PDE6B: variants seen among roughly 807,000 people sequenced by gnomAD.
PDE6B encodes the protein rod cGMP-specific 3',5'-cyclic phosphodiesterase subunit beta.
Under a neutral mutation model 109.0 loss-of-function variants are expected in PDE6B, and 106 were observed. The ratio of observed to expected loss-of-function variants is 0.97; its 90% CI spans 0.83 to 1.14. The LOEUF (loss-of-function observed/expected upper bound fraction) is 1.14. Among genes scored for constraint, PDE6B ranks in the 50% most tolerant of loss-of-function variants. The pLI is 0.00. For missense variants in PDE6B, 1,193 were observed against 1,155.6 expected (o/e 1.03, Z -0.47); for synonymous variants, 490 against 471.3 (o/e 1.04, Z -0.51).
In PDE6B at chr4:664,236, AG is replaced by A. The variant is rs762278349; in HGVS notation, c.2129+20del. On this transcript the variant is annotated intron_variant, in intron 17 of 21. Transcript: ENST00000496514. ...GAGATCGTCATGTGAGCGCGGGCGG[AG>A]GGGGCACGAGGGGTCCTTCCCTCGC... The A allele has an allele frequency of 1.2e-5, 16 of 1,333,398 alleles. No individual in the cohort carries two copies. In the South Asian group the frequency reaches 1.5e-4, roughly 13 times the overall value. The allele number at this position is 1,333,398 out of a possible 1,614,324, so 82.6% of individuals were successfully genotyped here. A position where few individuals can be genotyped will look rare whatever the true frequency, so the allele number is the denominator to read the frequency against.
intron 11 of PDE6B, among the ~76,000 whole-genome samples, chr4:659,651 C>T (rs1329129441): frequency 2.0e-5 from 3 of 149,948 alleles, no homozygotes; most frequent in Non-Finnish European, 4.4e-5. Context: ...TGTGTGTGCA[C>T]ATGTGTGCCC....
intron 1 of PDE6B, among the ~76,000 whole-genome samples, chr4:634,447 TG>T (rs906057382): frequency 1.3e-5 from 2 of 152,114 alleles, no homozygotes; most frequent in Non-Finnish European, 2.9e-5. Flanking sequence ...GACTGAGCAC[TG>T]GGGGGCACCA....
intron 1 of PDE6B, among the ~76,000 whole-genome samples, chr4:628,514 C>G (rs1287261899): frequency 6.6e-6 from 1 of 152,254 alleles, no homozygotes; most frequent in Non-Finnish European, 1.5e-5. Context: ...ATGTCTGCCT[C>G]TCAAGGGTGC....
rs1311426039 is a variant in PDE6B, at chr4:665,806, G to A, written c.2268+477G>A. Among the ~76,000 whole-genome samples, 10 of 152,302 alleles carry A rather than the reference G, an allele frequency of 6.6e-5. No individual in the cohort carries two copies. Among genetic ancestry groups the A allele is most frequent in the East Asian group, 3.9e-4 (2 of 5,168 alleles). On this transcript the variant is annotated intron_variant, in intron 19 of 21. Transcript: ENST00000496514. The surrounding 1 kb of genome is among the most constrained non-coding windows in gnomAD (Gnocchi z 4.0). Reference sequence around the variant, plus strand: ...AGCAAATGGGAGAGTCAGGATAGGCGCCAGGAACAGGAGAGGCAGGGCTGC... The same window carrying A: ...AGCAAATGGGAGAGTCAGGATAGGCACCAGGAACAGGAGAGGCAGGGCTGC...
rs370353606 is a variant in PDE6B at position 656,875 on chromosome 4, A to C, written c.1109A>C (p.Glu370Ala). Residue 370 changes from glutamate (E) to alanine (A), a missense_variant and splice_region_variant, in exon 9 of 22, where the codon GAA becomes GCA. Coordinates refer to ENST00000496514, the MANE Select transcript of PDE6B (RefSeq NM_000283.4). ...CAGCTCTGGACACCGCTCCCGCAGGAAGGGGCCCTGGACGACTCCGGGTGG... is the reference window on the plus strand; with the variant it reads ...CAGCTCTGGACACCGCTCCCGCAGGCAGGGGCCCTGGACGACTCCGGGTGG... The part of the protein sequence containing the change: ...ASADEMFKFQ[E>A]GALDDSGWLI... 6.2e-7 allele frequency: 1 copy of C among 1,612,676 alleles called. No homozygotes were observed. The highest frequency in any genetic ancestry group is 8.5e-7 in the Non-Finnish European group (1 of 1,179,884).
intron 6 of PDE6B, 92 bp from the exon 7 acceptor site, chr4:655,848 C>G (rs1460830375): frequency 1.2e-6 from 1 of 816,678 alleles, no homozygotes; most frequent in Admixed American, 1.7e-5. Flanking sequence ...CAGCCCCTCT[C>G]ACCCCTGCAC....
At chr4:661,266 C>G (rs1361176483) in intron 12 of PDE6B, 1 of 152,554 alleles carries the variant, frequency 6.6e-6, no homozygotes, top group Non-Finnish European at 1.5e-5. Context: ...GGCACATCAT[C>G]TGGCAATAAC....
rs375313097 is a variant in PDE6B, at chr4:662,626, C to T, written c.1832+8C>T. On this transcript the variant is annotated splice_region_variant and intron_variant, in intron 14 of 21. Coordinates refer to ENST00000496514, the MANE Select transcript of PDE6B (RefSeq NM_000283.4). The surrounding 1 kb of genome is among the most constrained non-coding windows in gnomAD (Gnocchi z 4.3). ...CAACCTGTACCAGATGAAGTAGGCA[C>T]CTCAGGGCGGGCATGTGAATTAGCC... 5.2e-6 allele frequency: 8 copies of T among 1,541,556 alleles called. No individual in the cohort carries two copies. The highest frequency in any genetic ancestry group is 7.2e-6 in the Non-Finnish European group (8 of 1,114,766).
chr4:657,105 A>T (rs556275887), intron 9 of PDE6B, 82 bp downstream of exon 9: 1 of 1,424,440 alleles, frequency 7.0e-7, no homozygotes, highest in East Asian at 2.3e-5. Context: ...CTCCCCGCCA[A>T]GCATTCGGCT....
rs1734112763 is a variant in PDE6B at position 626,531 on chromosome 4, ACAGTCGAAGGTGGTG to A, written c.468+441_468+455del. Among the ~76,000 whole-genome samples, 2 of 152,196 alleles carry A rather than the reference ACAGTCGAAGGTGGTG, an allele frequency of 1.3e-5. No homozygotes were observed. On this transcript the variant is annotated intron_variant, in intron 1 of 21. Coordinates refer to ENST00000496514, the MANE Select transcript of PDE6B (RefSeq NM_000283.4). The surrounding 1 kb of genome is among the most constrained non-coding windows in gnomAD (Gnocchi z 4.6). ...CCTTGGGATTTGGGAAGAAGAGGTC[ACAGTCGAAGGTGGTG>A]CAGACGCCCACAGGGAGGGAGAGCC...
In PDE6B at chr4:663,861, T is replaced by G; in HGVS notation, c.2012T>G (p.Leu671Arg). Residue 671 changes from leucine (L) to arginine (R), a missense_variant, in exon 16 of 22, where the codon CTG becomes CGG. Leu to Arg is a moderately radical substitution (Grantham distance 102). Coordinates refer to ENST00000496514, the MANE Select transcript of PDE6B (RefSeq NM_000283.4). This position sits in a 1 kb window ranked among gnomAD's most constrained non-coding sequence, Gnocchi z 4.0. ...GCCATCATCGCCACGGACCTGGCCC[T>G]GTACTTCAAGTGCGCGCCTTCCGGG... Reference protein sequence around the residue: ...DIAIIATDLALYFKKRAMFQK... With the variant: ...DIAIIATDLARYFKKRAMFQK... 1 of 1,608,554 alleles carries G rather than the reference T, an allele frequency of 6.2e-7. No individual in the cohort carries two copies. Among genetic ancestry groups the G allele is most frequent in the East Asian group, 2.2e-5 (1 of 44,488 alleles).
In PDE6B at chr4:666,742, T is replaced by G. The variant is rs956594231; in HGVS notation, c.2352+128T>G. The G allele has an allele frequency of 2.8e-6, 2 of 714,058 alleles. No individual in the cohort carries two copies. Among genetic ancestry groups the G allele is most frequent in the Non-Finnish European group, 5.2e-6 (2 of 385,786 alleles). 44.2% of individuals were successfully genotyped at this position (714,058 alleles called of 1,614,324 possible). A position where few individuals can be genotyped will look rare whatever the true frequency, so the allele number is the denominator to read the frequency against. On this transcript the variant is annotated intron_variant, in intron 20 of 21. Coordinates refer to ENST00000496514, the MANE Select transcript of PDE6B (RefSeq NM_000283.4). This position sits in a 1 kb window ranked among gnomAD's most constrained non-coding sequence, Gnocchi z 5.6. ...GTCCTCACTGGAGTAGGGATGCCAGTGCCAGCTTCGTGCCGCTCTTGAGTG... is the reference window on the plus strand; with the variant it reads ...GTCCTCACTGGAGTAGGGATGCCAGGGCCAGCTTCGTGCCGCTCTTGAGTG...
At position 662,722 on chromosome 4, in the gene PDE6B, G is replaced by T; in HGVS notation, c.1832+104G>T. On this transcript the variant is annotated intron_variant, in intron 14 of 21. Coordinates refer to ENST00000496514, the MANE Select transcript of PDE6B (RefSeq NM_000283.4). The surrounding 1 kb of genome is among the most constrained non-coding windows in gnomAD (Gnocchi z 4.3). ...AGGCTATGTAGAAAGTGGAGTCCAC[G>T]GCCAGGCCCCGTACTCCAGCACTGT... 1 of 797,508 alleles carries T rather than the reference G, an allele frequency of 1.3e-6. No individual in the cohort carries two copies. Among genetic ancestry groups the T allele is most frequent in the Non-Finnish European group, 2.2e-6 (1 of 459,682 alleles). 49.4% of individuals were successfully genotyped at this position (797,508 alleles called of 1,614,324 possible). A position where few individuals can be genotyped will look rare whatever the true frequency, so the allele number is the denominator to read the frequency against.
intron 10 of PDE6B, among the ~76,000 whole-genome samples, chr4:658,211 CG>C (rs1736599756): frequency 1.0e-5 from 1 of 97,292 alleles, no homozygotes. Flanking sequence ...GGCTGTGTGG[CG>C]GGGGCAGGTC....
Position 633,066 on chromosome 4 carries a change from A to G in PDE6B, c.469-1611A>G, listed in dbSNP as rs1168191270. 6.6e-6 allele frequency among the ~76,000 whole-genome samples: 1 copy of G among 152,114 alleles called. No individual in the cohort carries two copies. The highest frequency in any genetic ancestry group is 2.4e-5 in the African/African-American group (1 of 41,410). On this transcript the variant is annotated intron_variant, in intron 1 of 21. Transcript: ENST00000496514. This position sits in a 1 kb window ranked among gnomAD's most constrained non-coding sequence, Gnocchi z 4.5. Reference sequence around the variant, plus strand: ...AGCACTGACGGCTGGTGGAGGAGACACTGTCCAAACTGCCACAGGCACAAC... The same window carrying G: ...AGCACTGACGGCTGGTGGAGGAGACGCTGTCCAAACTGCCACAGGCACAAC...
At chr4:655,107 G>C in intron 6 of PDE6B, 1 of 594,692 alleles carries the variant, frequency 1.7e-6, no homozygotes. Context: ...TGAGGAGGAC[G>C]TGGGCTGCTG....
rs770449748 is a variant in PDE6B, at chr4:625,719, T to A, written c.93T>A (p.Asn31Lys). 22 of 1,613,696 alleles carry A rather than the reference T, an allele frequency of 1.4e-5. No homozygotes were observed. The South Asian group carries it at 2.4e-4, about 18-fold the overall frequency. Residue 31 changes from asparagine to lysine, a missense_variant, in exon 1 of 22, where the codon AAT becomes AAA. Physicochemically the swap from Asn to Lys is moderately conservative, Grantham distance 94 (BLOSUM62 0). Transcript: ENST00000496514. This position sits in a 1 kb window ranked among gnomAD's most constrained non-coding sequence, Gnocchi z 5.0. ...QYFGKKLSPE[N>K]VAAACEDGCP... ...TTGGGAAGAAACTGAGCCCTGAGAA[T>A]GTGGCCGCGGCCTGCGAGGACGGGT...
At chr4:649,458 C>G (rs1425372562) in intron 3 of PDE6B, among the ~76,000 whole-genome samples, 1 of 152,124 alleles carries the variant, frequency 6.6e-6, no homozygotes, top group Non-Finnish European at 1.5e-5. Context: ...AGGGCCGAGG[C>G]CCGTCCTAGC....
At position 633,203 on chromosome 4, in the gene PDE6B, G is replaced by T. The variant is rs374426786; in HGVS notation, c.469-1474G>T. Among the ~76,000 whole-genome samples the T allele has an allele frequency of 1.7e-4, 26 of 152,280 alleles. No homozygotes were observed. In the East Asian group the frequency reaches 4.8e-3, roughly 28 times the overall value. On this transcript the variant is annotated intron_variant, in intron 1 of 21. Transcript: ENST00000496514. The surrounding 1 kb of genome is among the most constrained non-coding windows in gnomAD (Gnocchi z 4.5). ...CAGAGATGAGCCCTCAGGGGTTGCA[G>T]GTGGTGAGATGAGCCCTCCCTCAGG...
Sources: allele counts gnomAD v4.1 joint callset (sites outside exome capture counted in the v4.1 genomes callset), GRCh38; gene constraint gnomAD v4.1.1; non-coding constraint Gnocchi (gnomAD v3.1); transcripts MANE v1.5; gene names NCBI Gene and HGNC (gene_info 2026-07-23, HGNC 2026-07-21).